Variants in MLLT10 observed in about 807,000 individuals in gnomAD.
MLLT10 encodes the protein MLLT10 histone lysine methyltransferase DOT1L cofactor, also known as protein AF-10.
Under a neutral mutation model 129.1 loss-of-function variants are expected in MLLT10, and 30 were observed. The ratio of observed to expected loss-of-function variants is 0.23; its 90% CI spans 0.17 to 0.32. The LOEUF is 0.32. Ranked by LOEUF, MLLT10 falls within the 10% of genes least tolerant of loss-of-function variation. MLLT10 has a pLI of 1.00. For synonymous variants in MLLT10, 490 were observed against 446.4 expected, an observed-to-expected ratio of 1.10 and a Z score of -1.23; for missense variants, 1,119 against 1,268.3, an observed-to-expected ratio of 0.88 and a Z score of 1.79.
chr10:21,733,455 T>C, intron 18 of MLLT10, 49 bp from the exon 19 acceptor site: 1 of 1,167,226 alleles, frequency 8.6e-7, no homozygotes. Flanking sequence ...TTACACATAA[T>C]GTAATTTAAT....
chr10:21,572,766 CT>C (rs1202991989), intron 3 of MLLT10, among the ~76,000 whole-genome samples: 1 of 152,078 alleles, frequency 6.6e-6, no homozygotes, highest in African/African-American at 2.4e-5. Context: ...GCATGTACCA[CT>C]AAGCACAGCT....
chr10:21,698,939 A>G lies in MLLT10; in HGVS notation c.1700-14833A>G, dbSNP rs542519152. Among the ~76,000 whole-genome samples, 78 of 152,318 alleles carry G rather than the reference A, an allele frequency of 5.1e-4. 1 individual carries two copies. Among genetic ancestry groups the G allele is most frequent in the Middle Eastern group, 6.8e-3 (2 of 294 alleles). ...GCCCAGGCTGGAGTGCAGTGGCACA[A>G]TCTTGGCTCACTGCAACCTCTGCTT... On this transcript the variant is annotated intron_variant, in intron 13 of 22. Transcript: ENST00000307729.
At chr10:21,551,844 A>C (rs766177569) in intron 3 of MLLT10, 1 of 409,920 alleles carries the variant, frequency 2.4e-6, no homozygotes, top group Non-Finnish European at 4.8e-6. Context: ...GCCCAGGCTA[A>C]AGTGCAGTGG....
At chr10:21,600,368 A>AAC (rs199618726) in intron 5 of MLLT10, among the ~76,000 whole-genome samples, 17,141 of 144,496 alleles carry the variant, frequency 0.12, 961 homozygotes, top group Non-Finnish European at 0.13. Context: ...CCTGAGATAG[A>AAC]ACACACACAC....
At chr10:21,624,436 C>T (rs2131242752) in intron 8 of MLLT10, among the ~76,000 whole-genome samples, 1 of 136,194 alleles carries the variant, frequency 7.3e-6, no homozygotes, top group East Asian at 1.9e-4. Context: ...ATAAAAAGGC[C>T]TGAGTATATA....
At chr10:21,533,948 G>C (rs568699912), upstream of MLLT10, among the ~76,000 whole-genome samples, 3 of 152,174 alleles carry the variant, frequency 2.0e-5, no homozygotes, top group South Asian at 6.2e-4. Flanking sequence ...CACCTCCCAG[G>C]CCTCTTCCCG....
Position 21,726,358 on chromosome 10 carries a change from A to G in MLLT10, c.1990+3A>G. ...TCAGTCTGAAAACAATCAAACAGGT[A>G]AGTTTTCAAGAATTACTAACTCTAA... On this transcript the variant is annotated splice_donor_region_variant and intron_variant, in intron 15 of 22. Transcript: ENST00000307729. 2 of 1,587,756 alleles carry G rather than the reference A, an allele frequency of 1.3e-6. No homozygotes were observed. The highest frequency in any genetic ancestry group is 1.1e-5 in the South Asian group (1 of 89,592).
At chr10:21,592,159 A>G (rs1044771163) in intron 4 of MLLT10, among the ~76,000 whole-genome samples, 1 of 152,208 alleles carries the variant, frequency 6.6e-6, no homozygotes, top group Non-Finnish European at 1.5e-5. Flanking sequence ...TATTTAATGT[A>G]AGTGGTCATT....
At chr10:21,578,437 T>G (rs1007376163) in intron 3 of MLLT10, among the ~76,000 whole-genome samples, 5 of 152,186 alleles carry the variant, frequency 3.3e-5, no homozygotes, top group African/African-American at 7.2e-5. Flanking sequence ...TCCTGATGGT[T>G]TTGTTTGTAG....
At chr10:21,721,845 A>G (rs1289232571) in intron 14 of MLLT10, among the ~76,000 whole-genome samples, 2 of 152,046 alleles carry the variant, frequency 1.3e-5, no homozygotes, top group Non-Finnish European at 2.9e-5. Context: ...TTCTTAATCT[A>G]CTGGTCTTTC....
intron 4 of MLLT10, among the ~76,000 whole-genome samples, chr10:21,587,423 C>CAAAAAA (rs35976402): frequency 2.4e-5 from 1 of 42,322 alleles, no homozygotes. Flanking sequence ...GACCCTGCCT[C>CAAAAAA]AAAAAAAAAA....
chr10:21,603,156 C>T (rs1390203940), intron 5 of MLLT10, among the ~76,000 whole-genome samples: 1 of 151,688 alleles, frequency 6.6e-6, no homozygotes, highest in Non-Finnish European at 1.5e-5. Context: ...GAGTTCAAGC[C>T]ATTCTCCTGT....
At chr10:21,609,923 A>G (rs575955600) in intron 5 of MLLT10, among the ~76,000 whole-genome samples, 13 of 152,152 alleles carry the variant, frequency 8.5e-5, no homozygotes, top group African/African-American at 3.1e-4. Flanking sequence ...TGAATTCTCC[A>G]TTATTTTTGA....
At chr10:21,695,226 C>T (rs894954462) in intron 13 of MLLT10, among the ~76,000 whole-genome samples, 9 of 152,070 alleles carry the variant, frequency 5.9e-5, no homozygotes, top group African/African-American at 2.2e-4. Flanking sequence ...TGTGTCATCA[C>T]AGGCGTTTCG....
chr10:21,708,569 T>C (rs2055761743), intron 13 of MLLT10: 14 of 984,358 alleles, frequency 1.4e-5, no homozygotes, highest in Non-Finnish European at 1.6e-5. Context: ...TTTTTGTGTG[T>C]GTGTTTTTTT....
chr10:21,585,126 G>T (rs1424655156), intron 3 of MLLT10, among the ~76,000 whole-genome samples: 2 of 151,834 alleles, frequency 1.3e-5, no homozygotes, highest in South Asian at 4.2e-4. Context: ...ATTTTGCCGT[G>T]TCGCCCAGGC....
intron 14 of MLLT10, among the ~76,000 whole-genome samples, chr10:21,717,949 C>CCTTCTT (rs2056868656): frequency 7.0e-6 from 1 of 143,356 alleles, no homozygotes; most frequent in African/African-American, 2.7e-5. Flanking sequence ...TTTCTTCTTT[C>CCTTCTT]TTCTTCTTTC....
chr10:21,553,513 A>T (rs1263409038), intron 3 of MLLT10, among the ~76,000 whole-genome samples: 1 of 150,930 alleles, frequency 6.6e-6, no homozygotes. Flanking sequence ...TTTAGTAGAG[A>T]TGGGGGTTTC....
chr10:21,606,575 C>T (rs1469691440), intron 5 of MLLT10, among the ~76,000 whole-genome samples: 2 of 152,156 alleles, frequency 1.3e-5, no homozygotes, highest in Non-Finnish European at 2.9e-5. Context: ...TTCTGTCCTG[C>T]ATGGATGACT....
Sources: allele counts gnomAD v4.1 joint callset (sites outside exome capture counted in the v4.1 genomes callset), GRCh38; gene constraint gnomAD v4.1.1; transcripts MANE v1.5; gene names NCBI Gene and HGNC (gene_info 2026-07-23, HGNC 2026-07-21).